RNF175: variants seen among roughly 807,000 people sequenced by gnomAD.
RNF175 encodes the protein ring finger protein 175.
In RNF175, 38 loss-of-function variants were observed where a neutral mutation model predicts 50.0. The ratio of observed to expected loss-of-function variants is 0.76; its 90% confidence interval spans 0.59 to 1.00. The LOEUF is 1.00. Among genes scored for constraint, RNF175 ranks in the 50% least tolerant of loss-of-function variants. The probability of loss-of-function intolerance (pLI) is 0.00; values close to 1 mark genes in which losing one functional copy is unlikely to be tolerated. For missense variants in RNF175, 388 were observed against 409.6 expected (o/e 0.95, Z 0.46); for synonymous variants, 155 against 146.1 (o/e 1.06, Z -0.44).
chr4:153,750,853 G>T (rs1740255041), intron 2 of RNF175, among the ~76,000 whole-genome samples: 1 of 117,994 alleles, frequency 8.5e-6, no homozygotes, highest in African/African-American at 2.6e-5. Flanking sequence ...AATAGGATTT[G>T]CATAGATATA....
At chr4:153,752,197 G>A (rs189871784) in intron 1 of RNF175, among the ~76,000 whole-genome samples, 120 of 152,322 alleles carry the variant, frequency 7.9e-4, no homozygotes, top group African/African-American at 2.2e-3. Context: ...AGACGTAATC[G>A]TGTAACTTTG....
At chr4:153,718,394 A>C (rs756489608) in intron 6 of RNF175, among the ~76,000 whole-genome samples, 3 of 151,870 alleles carry the variant, frequency 2.0e-5, no homozygotes, top group Non-Finnish European at 4.4e-5. Context: ...ACACACACAC[A>C]CACACCCCTT....
At chr4:153,749,743 T>A (rs989829110) in intron 2 of RNF175, among the ~76,000 whole-genome samples, 10 of 152,156 alleles carry the variant, frequency 6.6e-5, no homozygotes, top group African/African-American at 2.4e-4. Context: ...TAACCCCCCA[T>A]ATCCAGATCA....
At chr4:153,750,384 T>G (rs917973699) in intron 2 of RNF175, among the ~76,000 whole-genome samples, 2 of 152,080 alleles carry the variant, frequency 1.3e-5, no homozygotes. Context: ...CAGAAAAGGG[T>G]CTCATCCAAA....
intron 3 of RNF175, among the ~76,000 whole-genome samples, chr4:153,735,287 A>G (rs960868892): frequency 2.6e-5 from 4 of 151,036 alleles, no homozygotes; most frequent in African/African-American, 7.3e-5. Flanking sequence ...TGGAAAGACT[A>G]TCTTTCTCTA....
At chr4:153,750,207 G>A (rs1439310929) in intron 2 of RNF175, among the ~76,000 whole-genome samples, 2 of 152,096 alleles carry the variant, frequency 1.3e-5, no homozygotes, top group Non-Finnish European at 2.9e-5. Flanking sequence ...TTCCACTTAC[G>A]TCTAGTTACA....
intron 3 of RNF175, among the ~76,000 whole-genome samples, chr4:153,737,461 C>T (rs1378466691): frequency 2.6e-5 from 4 of 152,054 alleles, no homozygotes; most frequent in African/African-American, 9.6e-5. Flanking sequence ...ATAAATTTTC[C>T]TCTAAGCACT....
chr4:153,737,273 T>C (rs1417939959), intron 3 of RNF175, among the ~76,000 whole-genome samples: 1 of 152,182 alleles, frequency 6.6e-6, no homozygotes, highest in East Asian at 1.9e-4. Context: ...TTTGGTTTCA[T>C]TGTGTTTCCT....
chr4:153,722,710 A>G (rs190990778), intron 5 of RNF175, among the ~76,000 whole-genome samples: 75 of 152,292 alleles, frequency 4.9e-4, no homozygotes, highest in African/African-American at 1.7e-3. Flanking sequence ...GTGCTGTCCA[A>G]TGTAAATACA....
At chr4:153,748,310 G>A (rs1740087510) in intron 3 of RNF175, 2 of 201,750 alleles carry the variant, frequency 9.9e-6, no homozygotes, top group African/African-American at 4.6e-5. Flanking sequence ...GGGTTTTTCA[G>A]TCTTGGCACC....
chr4:153,718,229 TGTTTG>T (rs1436396177), intron 6 of RNF175, among the ~76,000 whole-genome samples: 674 of 66,168 alleles, frequency 0.01, 65 homozygotes, highest in African/African-American at 0.019. Flanking sequence ...TTTGTTTGTT[TGTTTG>T]TTTGTTTTTT....
At chr4:153,751,265 T>C (rs1308674606) in intron 2 of RNF175, among the ~76,000 whole-genome samples, 173 bp downstream of exon 2, 1 of 152,242 alleles carries the variant, frequency 6.6e-6, no homozygotes, top group African/African-American at 2.4e-5. Context: ...GATCATGCTG[T>C]AGAAAACAGA....
chr4:153,760,003 C>T lies in RNF175; in HGVS notation c.-141G>A. Reference sequence around the variant, plus strand: ...GCGGCGGCGGAGCGGCGGCCCTGCCCGGGTTGTGCGGGGCGGGAGATGGGA... The same window carrying T: ...GCGGCGGCGGAGCGGCGGCCCTGCCTGGGTTGTGCGGGGCGGGAGATGGGA... On this transcript the variant is annotated 5_prime_UTR_variant, in exon 1 of 9. Coordinates refer to ENST00000347063, the MANE Select transcript of RNF175 (RefSeq NM_173662.4). 4.5e-6 allele frequency: 2 copies of T among 446,048 alleles called. No individual in the cohort carries two copies. The highest frequency in any genetic ancestry group is 7.6e-6 in the Non-Finnish European group (2 of 264,872). The allele number at this position is 446,048 out of a possible 1,614,324, so 27.6% of individuals were successfully genotyped here.
intron 4 of RNF175, chr4:153,727,761 A>G (rs1212335711): frequency 6.6e-6 from 1 of 152,374 alleles, no homozygotes; most frequent in African/African-American, 2.4e-5. Flanking sequence ...GGAATATTAA[A>G]CCATCATTTG....
At chr4:153,718,319 C>G (rs1372574220) in intron 6 of RNF175, among the ~76,000 whole-genome samples, 2 of 144,878 alleles carry the variant, frequency 1.4e-5, no homozygotes, top group Admixed American at 7.4e-5. Flanking sequence ...GGCTTAGGCA[C>G]TGATACGGGA....
chr4:153,717,409 A>C (rs974937544), intron 6 of RNF175, among the ~76,000 whole-genome samples: 11 of 152,152 alleles, frequency 7.2e-5, no homozygotes, highest in Admixed American at 2.6e-4. Flanking sequence ...ATGATATTAG[A>C]AAACAAGATC....
At position 153,738,146 on chromosome 4, in the gene RNF175, C is replaced by A. The variant is rs562819682; in HGVS notation, c.247-9785G>T. Among the ~76,000 whole-genome samples, 3 of 152,208 alleles carry A rather than the reference C, an allele frequency of 2.0e-5. No individual in the cohort carries two copies. The South Asian group carries it at 6.2e-4, about 32-fold the overall frequency. ...CTCATTGCAGCATTGACCTCCTGGGCTCAAGCCATTTTCCCATCTCAGCCT... is the reference window on the plus strand; with the variant it reads ...CTCATTGCAGCATTGACCTCCTGGGATCAAGCCATTTTCCCATCTCAGCCT... On this transcript the variant is annotated intron_variant, in intron 3 of 8. Transcript: ENST00000347063.
At position 153,751,446 on chromosome 4, in the gene RNF175, G is replaced by T. The variant is rs1740285753; in HGVS notation, c.96C>A (p.Asp32Glu). 2 of 1,553,380 alleles carry T rather than the reference G, an allele frequency of 1.3e-6. No homozygotes were observed. The highest frequency in any genetic ancestry group is 1.7e-6 in the Non-Finnish European group (2 of 1,147,048). Reference protein sequence around the residue: ...QLSHTKLSAEDTWNLQQERMY... With the variant: ...QLSHTKLSAEETWNLQQERMY... The stretch of plus-strand genomic sequence containing the variant: ...AAATACTAATTACTTACTTCCATGT[G>T]TCTTCTGCAGAAAGCTTTGTATGAG... The change falls in exon 2 of 9, where the codon GAC becomes GAA. Residue 32 changes from aspartate (D) to glutamate (E), a missense_variant. By Grantham distance (45) the Asp-to-Glu change is conservative (BLOSUM62 2). Transcript: ENST00000347063.
intron 3 of RNF175, among the ~76,000 whole-genome samples, chr4:153,734,628 G>A (rs1211645305): frequency 2.9e-5 from 4 of 136,374 alleles, no homozygotes; most frequent in African/African-American, 5.7e-5. Flanking sequence ...ATATGTGTTT[G>A]CAAATATTTT....
Sources: gnomAD v4.1 joint callset for allele counts (sites outside exome capture counted in the v4.1 genomes callset) on GRCh38, gnomAD v4.1.1 for gene constraint, MANE v1.5 for transcripts, NCBI Gene and HGNC (gene_info 2026-07-23, HGNC 2026-07-21) for gene names.